NRG2: variants seen among roughly 807,000 people sequenced by gnomAD.
NRG2 encodes the protein neuregulin 2, also known as pro-neuregulin-2, membrane-bound isoform.
In NRG2, 27 loss-of-function variants were observed where a neutral mutation model predicts 73.9. The ratio of observed to expected loss-of-function variants is 0.37; its 90% CI spans 0.27 to 0.50. The LOEUF is 0.50. Among genes scored for constraint, NRG2 ranks in the 20% least tolerant of loss-of-function variants. The probability of loss-of-function intolerance (pLI) is 0.96; values close to 1 mark genes in which losing one functional copy is unlikely to be tolerated. For synonymous variants in NRG2, 532 were observed against 541.0 expected, an observed-to-expected ratio of 0.98 and a Z score of 0.23; for missense variants, 1,126 against 1,210.1, an observed-to-expected ratio of 0.93 and a Z score of 1.03.
chr5:139,857,879 G>A (rs1365856268), intron 5 of NRG2, among the ~76,000 whole-genome samples: 1 of 152,070 alleles, frequency 6.6e-6, no homozygotes, highest in African/African-American at 2.4e-5. Flanking sequence ...TGCTTCCCAA[G>A]TAGATCCTGG....
rs1279273780 is a variant in NRG2, at chr5:140,008,042, G to A, written c.700+34328C>T. Among the ~76,000 whole-genome samples the A allele has an allele frequency of 6.6e-6, 1 of 152,226 alleles. No homozygotes were observed. Among genetic ancestry groups the A allele is most frequent in the East Asian group, 1.9e-4 (1 of 5,198 alleles). On this transcript the variant is annotated intron_variant, in intron 1 of 9. Transcript: ENST00000361474. This position sits in a 1 kb window ranked among gnomAD's most constrained non-coding sequence, Gnocchi z 4.2. ...GAGACCCACAGCCGCCAGTCCTATA[G>A]TAGGAAGCTGTCACTCTCTAGTGTC... is the stretch of plus-strand genomic sequence containing the variant.
chr5:140,025,599 T>C (rs1760623117), intron 1 of NRG2, among the ~76,000 whole-genome samples: 1 of 152,222 alleles, frequency 6.6e-6, no homozygotes, highest in Non-Finnish European at 1.5e-5. Context: ...CAAATCCACA[T>C]ATCAGAGATT....
At chr5:140,003,432 A>G (rs1057129862) in intron 1 of NRG2, among the ~76,000 whole-genome samples, 4 of 152,236 alleles carry the variant, frequency 2.6e-5, no homozygotes, top group African/African-American at 9.6e-5. Flanking sequence ...AGAGGGAGGT[A>G]GGAGGATTAG....
chr5:139,925,413 T>A (rs565936100), intron 1 of NRG2, among the ~76,000 whole-genome samples: 1 of 152,168 alleles, frequency 6.6e-6, no homozygotes, highest in Non-Finnish European at 1.5e-5. Context: ...ACTTCCACAC[T>A]GGTAAGAAAC....
intron 1 of NRG2, among the ~76,000 whole-genome samples, chr5:140,030,723 T>C (rs1761072386): frequency 6.6e-6 from 1 of 152,218 alleles, no homozygotes; most frequent in Admixed American, 6.5e-5. Flanking sequence ...GAAAGACCTT[T>C]CTCCTTTCTC....
At chr5:139,993,076 T>C (rs1757757153) in intron 1 of NRG2, among the ~76,000 whole-genome samples, 1 of 152,118 alleles carries the variant, frequency 6.6e-6, no homozygotes, top group Non-Finnish European at 1.5e-5. Flanking sequence ...TTATCCAAGG[T>C]TTCTTTGAAT....
chr5:140,005,777 A>T lies in NRG2; in HGVS notation c.700+36593T>A, dbSNP rs1242779177. 2.6e-5 allele frequency among the ~76,000 whole-genome samples: 4 copies of T among 152,224 alleles called. No homozygotes were observed. In the East Asian group the frequency reaches 5.8e-4, roughly 22 times the overall value. ...CAAGATGAGAGATTACACTTTCAGC[A>T]TGGCTCTTTTGCCAAGAGTGCCTAG... is the stretch of plus-strand genomic sequence containing the variant. On this transcript the variant is annotated intron_variant, in intron 1 of 9. Coordinates refer to ENST00000361474, the MANE Select transcript of NRG2 (RefSeq NM_004883.3).
chr5:139,905,248 AG>A (rs1765156078), intron 1 of NRG2, among the ~76,000 whole-genome samples: 1 of 152,146 alleles, frequency 6.6e-6, no homozygotes, highest in Admixed American at 6.5e-5. Context: ...ACCATTGGGT[AG>A]GGGCTGCTGG....
At chr5:139,881,580 C>G (rs1225075167) in intron 2 of NRG2, among the ~76,000 whole-genome samples, 1 of 152,212 alleles carries the variant, frequency 6.6e-6, no homozygotes, top group East Asian at 1.9e-4. Context: ...TTCCTGTGTG[C>G]CAGGAGCTTG....
chr5:139,936,128 A>C (rs1385104163), intron 1 of NRG2, among the ~76,000 whole-genome samples: 1 of 152,060 alleles, frequency 6.6e-6, no homozygotes, highest in Non-Finnish European at 1.5e-5. Flanking sequence ...AGCAACTAGA[A>C]AAACAGAGCA....
intron 1 of NRG2, among the ~76,000 whole-genome samples, chr5:139,932,580 T>C (rs551471718): frequency 6.6e-6 from 1 of 152,288 alleles, no homozygotes; most frequent in South Asian, 2.1e-4. Context: ...CTACAGTTAA[T>C]AGAATTGTAT....
At chr5:139,993,570 C>T (rs935561889) in intron 1 of NRG2, among the ~76,000 whole-genome samples, 1 of 152,180 alleles carries the variant, frequency 6.6e-6, no homozygotes, top group East Asian at 1.9e-4. Context: ...GTTTTAATAA[C>T]CCTTATCAGT....
intron 1 of NRG2, among the ~76,000 whole-genome samples, chr5:139,951,765 A>G (rs1184026007): frequency 1.3e-5 from 2 of 152,148 alleles, no homozygotes; most frequent in Non-Finnish European, 2.9e-5. Flanking sequence ...ACTGGTTACA[A>G]CACTGCAACC....
intron 1 of NRG2, among the ~76,000 whole-genome samples, chr5:140,003,459 G>A (rs1011570092): frequency 5.3e-5 from 8 of 152,176 alleles, no homozygotes; most frequent in African/African-American, 1.9e-4. Flanking sequence ...AGAGACAGGG[G>A]TTGGAAGACA....
intron 4 of NRG2, among the ~76,000 whole-genome samples, chr5:139,867,649 G>A (rs183381092): frequency 1.3e-5 from 2 of 152,268 alleles, no homozygotes; most frequent in East Asian, 3.9e-4. Flanking sequence ...AGTGGAGGAT[G>A]AAGACCCAGG....
chr5:139,989,936 C>G (rs1327091542), intron 1 of NRG2, among the ~76,000 whole-genome samples: 1 of 150,142 alleles, frequency 6.7e-6, no homozygotes, highest in East Asian at 2.0e-4. Context: ...CTACAGGTGC[C>G]CACCACCACG....
chr5:140,011,901 A>ATTTAAG (rs1759396959), intron 1 of NRG2, among the ~76,000 whole-genome samples: 1 of 152,136 alleles, frequency 6.6e-6, no homozygotes, highest in South Asian at 2.1e-4. Flanking sequence ...AATCTATTAA[A>ATTTAAG]CATTTCTTAA....
intron 5 of NRG2, chr5:139,859,993 G>A: frequency 6.9e-7 from 1 of 1,455,220 alleles, no homozygotes; most frequent in South Asian, 1.2e-5. Context: ...GGGAGAGAGA[G>A]AGACAGAAAC....
intron 1 of NRG2, among the ~76,000 whole-genome samples, chr5:139,938,775 G>A (rs1753043208): frequency 6.6e-6 from 1 of 150,496 alleles, no homozygotes; most frequent in African/African-American, 2.4e-5. Context: ...CAATTCAAGG[G>A]GATTCTTGGG....
Sources: allele counts gnomAD v4.1 joint callset (sites outside exome capture counted in the v4.1 genomes callset), GRCh38; gene constraint gnomAD v4.1.1; non-coding constraint Gnocchi (gnomAD v3.1); transcripts MANE v1.5; gene names NCBI Gene and HGNC (gene_info 2026-07-23, HGNC 2026-07-21).